The following CSMD1 variants were observed in gnomAD, a reference collection of about 807,000 sequenced individuals.
CSMD1 encodes the protein CUB and Sushi multiple domains 1, also known as CUB and sushi domain-containing protein 1.
A neutral mutation model predicts 417.5 loss-of-function variants in CSMD1; 213 were observed. That is an observed-to-expected ratio of 0.51 (90% CI 0.46 to 0.57). The LOEUF (loss-of-function observed/expected upper bound fraction) is 0.57. Among genes scored for constraint, CSMD1 ranks in the 20% least tolerant of loss-of-function variants. The pLI is 0.00. For missense variants in CSMD1, 6,923 were observed against 4,529.7 expected, an observed-to-expected ratio of 1.53 and a Z score of -15.17; for synonymous variants, 2,862 against 1,736.8, an observed-to-expected ratio of 1.65 and a Z score of -16.11.
intron 49 of CSMD1, among the ~76,000 whole-genome samples, chr8:3,072,134 C>T (rs966909965): frequency 1.1e-4 from 16 of 152,172 alleles, no homozygotes; most frequent in Admixed American, 3.9e-4. Flanking sequence ...CAGAAAGTCT[C>T]GAGTCTCAGG....
rs149875774 is a variant in CSMD1 at position 4,688,886 on chromosome 8, C to G, written c.86-51328G>C. Among the ~76,000 whole-genome samples the G allele has an allele frequency of 2.3e-3, 346 of 152,268 alleles. 15 individuals carry two copies. The South Asian group carries it at 0.057, about 25-fold the overall frequency. Reference sequence around the variant, plus strand: ...AGATTGACATAAATTCTATAACTCACGTCAGTGTGCTAACAGCACAAGAAT... The same window carrying G: ...AGATTGACATAAATTCTATAACTCAGGTCAGTGTGCTAACAGCACAAGAAT... On this transcript the variant is annotated intron_variant, in intron 1 of 69. Coordinates refer to ENST00000635120, the MANE Select transcript of CSMD1 (RefSeq NM_033225.6).
chr8:4,503,840 C>G (rs978474148), intron 2 of CSMD1, among the ~76,000 whole-genome samples: 1 of 152,052 alleles, frequency 6.6e-6, no homozygotes, highest in East Asian at 1.9e-4. Flanking sequence ...AGGCATTTTT[C>G]TCAGAGAATA....
At chr8:4,149,300 C>G (rs1308314472) in intron 3 of CSMD1, among the ~76,000 whole-genome samples, 1 of 152,138 alleles carries the variant, frequency 6.6e-6, no homozygotes, top group Non-Finnish European at 1.5e-5. Flanking sequence ...TAAAGATAAG[C>G]TTTCACATAT....
intron 1 of CSMD1, among the ~76,000 whole-genome samples, chr8:4,946,806 A>G (rs915302184): frequency 2.0e-5 from 3 of 152,218 alleles, no homozygotes; most frequent in Admixed American, 1.3e-4. Flanking sequence ...TTAGACTGTG[A>G]TTCTATTTAA....
chr8:4,136,263 G>A (rs1039817084), intron 3 of CSMD1, among the ~76,000 whole-genome samples: 11 of 152,288 alleles, frequency 7.2e-5, no homozygotes, highest in Middle Eastern at 6.8e-3. Flanking sequence ...ATTGTAACTT[G>A]AACACAGTCA....
intron 10 of CSMD1, among the ~76,000 whole-genome samples, chr8:3,519,480 G>A (rs952919018): frequency 6.6e-6 from 1 of 152,126 alleles, no homozygotes; most frequent in Non-Finnish European, 1.5e-5. Flanking sequence ...TCACAATTGA[G>A]ACTACATTCA....
rs147069532 is a variant in CSMD1, at chr8:3,246,259, T to G, written c.4154-16028A>C. Among the ~76,000 whole-genome samples, 14 of 152,208 alleles carry G rather than the reference T, an allele frequency of 9.2e-5. No homozygotes were observed. The East Asian group carries it at 2.5e-3, about 27-fold the overall frequency. On this transcript the variant is annotated intron_variant, in intron 26 of 69. Transcript: ENST00000635120. ...CTCACCCACACCAGCCCCTCATTCT[T>G]CCTTGGAATCCATGATCTCATTCCT...
At chr8:3,270,798 A>G (rs1014104895) in intron 26 of CSMD1, among the ~76,000 whole-genome samples, 9 of 152,180 alleles carry the variant, frequency 5.9e-5, no homozygotes, top group South Asian at 4.1e-4. Flanking sequence ...AGACATACCC[A>G]AGACTGGGTA....
At chr8:4,616,262 C>T (rs933493950) in intron 2 of CSMD1, among the ~76,000 whole-genome samples, 2 of 152,216 alleles carry the variant, frequency 1.3e-5, no homozygotes, top group Middle Eastern at 6.8e-3. Flanking sequence ...GAATGGTTTA[C>T]CAATTGTACA....
intron 5 of CSMD1, among the ~76,000 whole-genome samples, chr8:3,915,405 C>CAGAAAAGAAAAA (rs1554484704): frequency 1.3e-5 from 1 of 76,294 alleles, no homozygotes; most frequent in African/African-American, 4.6e-5. Context: ...GACTCTGTCT[C>CAGAAAAGAAAAA]AAAAAAAAAA....
intron 5 of CSMD1, among the ~76,000 whole-genome samples, chr8:3,791,700 G>A (rs926640883): frequency 1.3e-5 from 2 of 152,098 alleles, no homozygotes; most frequent in East Asian, 1.9e-4. Flanking sequence ...GTGGGTACCT[G>A]TAATCCCAGC....
intron 2 of CSMD1, among the ~76,000 whole-genome samples, chr8:4,479,993 A>C (rs1008725658): frequency 1.1e-4 from 16 of 151,280 alleles, no homozygotes; most frequent in African/African-American, 3.9e-4. Flanking sequence ...AAAAGTCAAC[A>C]AAAAAAAGCA....
chr8:3,746,018 A>G (rs2129051722), intron 6 of CSMD1, among the ~76,000 whole-genome samples: 1 of 152,334 alleles, frequency 6.6e-6, no homozygotes, highest in South Asian at 2.1e-4. Context: ...TACAGTAGAC[A>G]CAATCATGCT....
chr8:4,451,886 T>G (rs1405730430), intron 2 of CSMD1, among the ~76,000 whole-genome samples: 1 of 151,352 alleles, frequency 6.6e-6, no homozygotes, highest in Non-Finnish European at 1.5e-5. Flanking sequence ...TGTGTTCTCT[T>G]TTTTCTTCCA....
At chr8:3,562,836 G>A (rs954666938) in intron 10 of CSMD1, among the ~76,000 whole-genome samples, 3 of 151,814 alleles carry the variant, frequency 2.0e-5, no homozygotes, top group African/African-American at 7.3e-5. Context: ...TTATTTACCG[G>A]GTGATGAAAT....
chr8:3,518,729 T>C (rs1797382750), intron 10 of CSMD1, among the ~76,000 whole-genome samples: 1 of 152,138 alleles, frequency 6.6e-6, no homozygotes, highest in South Asian at 2.1e-4. Context: ...TTCAAAGTCC[T>C]TGAGGAATGT....
chr8:4,930,846 A>T (rs1807199618), intron 1 of CSMD1, among the ~76,000 whole-genome samples: 1 of 152,242 alleles, frequency 6.6e-6, no homozygotes, highest in African/African-American at 2.4e-5. Flanking sequence ...TACAGGATAG[A>T]TCTTAATTTC....
At chr8:3,692,322 T>C (rs139391459) in intron 7 of CSMD1, among the ~76,000 whole-genome samples, 7 of 152,220 alleles carry the variant, frequency 4.6e-5, no homozygotes, top group Admixed American at 3.9e-4. Flanking sequence ...TATGACCACA[T>C]ACCCAAAAGA....
chr8:4,285,025 C>G (rs942075441), intron 3 of CSMD1, among the ~76,000 whole-genome samples: 12 of 152,128 alleles, frequency 7.9e-5, no homozygotes, highest in African/African-American at 2.4e-4. Flanking sequence ...ATAATGGTGT[C>G]CACACCATAA....
Sources: allele counts gnomAD v4.1 joint callset (sites outside exome capture counted in the v4.1 genomes callset), GRCh38; gene constraint gnomAD v4.1.1; transcripts MANE v1.5; gene names NCBI Gene and HGNC (gene_info 2026-07-23, HGNC 2026-07-21).